The following NRTN variants were observed in gnomAD, a reference collection of about 807,000 sequenced individuals.
The protein encoded by NRTN is neurturin.
NRTN carries 3 observed loss-of-function variants against 7.5 expected under a neutral mutation model. The observed-to-expected ratio is 0.40, with a 90% CI of 0.18 to 1.03. The LOEUF is 1.03. Among genes scored for constraint, NRTN ranks in the 50% least tolerant of loss-of-function variants. The pLI, the probability that NRTN is intolerant of heterozygous loss-of-function variation, is 0.34. For missense variants in NRTN, 310 were observed against 307.0 expected (o/e 1.01, Z -0.07); for synonymous variants, 157 against 146.6 (o/e 1.07, Z -0.51).
At chr19:5,814,642 G>A (rs1012382383) in intron 1 of NRTN, among the ~76,000 whole-genome samples, 1 of 152,178 alleles carries the variant, frequency 6.6e-6, no homozygotes, top group Non-Finnish European at 1.5e-5. Flanking sequence ...CAAGGAAGGT[G>A]CCAGAAACAC....
chr19:5,810,915 G>A (rs540482805), intron 1 of NRTN, among the ~76,000 whole-genome samples: 6 of 149,960 alleles, frequency 4.0e-5, no homozygotes, highest in East Asian at 1.9e-4. Context: ...GCAACAGAGC[G>A]AGACTCCATC....
chr19:5,826,344 C>A (rs913934804), intron 2 of NRTN, among the ~76,000 whole-genome samples: 7 of 152,186 alleles, frequency 4.6e-5, no homozygotes, highest in East Asian at 1.9e-4. Flanking sequence ...TCGCCCACCC[C>A]CCGCACCGAT....
intron 1 of NRTN, among the ~76,000 whole-genome samples, chr19:5,818,537 C>T (rs1232077348): frequency 2.0e-5 from 3 of 151,890 alleles, no homozygotes; most frequent in Non-Finnish European, 1.5e-5. Context: ...GTGCTGGCAG[C>T]GTGTTCACCT....
chr19:5,824,451 GCC>G, intron 2 of NRTN, 117 bp downstream of exon 2: 1 of 1,325,682 alleles, frequency 7.5e-7, no homozygotes, highest in Non-Finnish European at 1.0e-6. Context: ...GGGCCAGCCA[GCC>G]CCCTTGCAGG....
At chr19:5,811,035 A>T (rs2056989109) in intron 1 of NRTN, among the ~76,000 whole-genome samples, 1 of 151,894 alleles carries the variant, frequency 6.6e-6, no homozygotes, top group South Asian at 2.1e-4. Context: ...TCAGGAGTTC[A>T]AGACCAGCCT....
At chr19:5,822,585 G>A (rs570829146) in intron 1 of NRTN, among the ~76,000 whole-genome samples, 7 of 152,328 alleles carry the variant, frequency 4.6e-5, no homozygotes, top group African/African-American at 1.4e-4. Flanking sequence ...TGCCCGAATG[G>A]GTAAAGCTCA....
chr19:5,822,541 A>C (rs1379616205), intron 1 of NRTN, among the ~76,000 whole-genome samples: 1 of 152,208 alleles, frequency 6.6e-6, no homozygotes, highest in Non-Finnish European at 1.5e-5. Context: ...AGTGAGGAGG[A>C]TGCCACCAGG....
intron 1 of NRTN, among the ~76,000 whole-genome samples, 136 bp downstream of exon 1, chr19:5,805,587 G>T (rs1285292367): frequency 1.3e-5 from 2 of 152,002 alleles, no homozygotes; most frequent in Non-Finnish European, 2.9e-5. Context: ...GAACCAGCGG[G>T]TGTATGAGGG....
chr19:5,809,691 A>G (rs2056984209), intron 1 of NRTN, among the ~76,000 whole-genome samples: 1 of 152,066 alleles, frequency 6.6e-6, no homozygotes, highest in Non-Finnish European at 1.5e-5. Flanking sequence ...CTGGAGGCGG[A>G]ACCCAGCCGG....
In NRTN at chr19:5,823,813, TCA is replaced by T. The variant is rs1035850805; in HGVS notation, c.-352_-351del. On this transcript the variant is annotated 5_prime_UTR_variant, in exon 2 of 3. The change abolishes the stop of an existing upstream ORF in the 5' untranslated region. Transcript: ENST00000303212. Reference sequence around the variant, plus strand: ...TTGCTGTTCCTGGGATACGCCACACTCAGTCTGGCCTCGGGGCCTTTGCACTG... The same window carrying T: ...TTGCTGTTCCTGGGATACGCCACACTGTCTGGCCTCGGGGCCTTTGCACTG... 7.2e-5 allele frequency: 30 copies of T among 417,252 alleles called. No individual in the cohort carries two copies. The highest frequency in any genetic ancestry group is 4.8e-4 in the African/African-American group (24 of 49,540). The allele number at this position is 417,252 out of a possible 1,614,324, so 25.8% of individuals were successfully genotyped here.
At chr19:5,811,066 G>A (rs1221587381) in intron 1 of NRTN, among the ~76,000 whole-genome samples, 2 of 151,500 alleles carry the variant, frequency 1.3e-5, no homozygotes, top group African/African-American at 2.4e-5. Flanking sequence ...GTGAAACCCC[G>A]TCTCTACTAA....
chr19:5,827,751 C>G lies in NRTN; in HGVS notation c.172C>G (p.Arg58Gly), dbSNP rs1436669601. The G allele has an allele frequency of 1.6e-6, 2 of 1,221,728 alleles. No homozygotes were observed. The highest frequency in any genetic ancestry group is 1.0e-6 in the Non-Finnish European group (1 of 978,026). 75.7% of individuals were successfully genotyped at this position (1,221,728 alleles called of 1,614,324 possible). Residue 58 changes from arginine to glycine, a missense_variant and splice_region_variant, in exon 3 of 3, where the codon CGT (arginine) becomes GGT (glycine). Coordinates refer to ENST00000303212, the MANE Select transcript of NRTN (RefSeq NM_004558.5). Reference sequence around the variant, plus strand: ...CCTTTCTCTTCCTCCCCTCGCAGACCGTGCACTCCTGCAGGGGGCCCCGGA... The same window carrying G: ...CCTTTCTCTTCCTCCCCTCGCAGACGGTGCACTCCTGCAGGGGGCCCCGGA... ...DARIARLAQY[R>G]ALLQGAPDAM...
At chr19:5,825,960 C>A (rs745492845) in intron 2 of NRTN, among the ~76,000 whole-genome samples, 28 of 152,244 alleles carry the variant, frequency 1.8e-4, no homozygotes, top group Non-Finnish European at 3.5e-4. Flanking sequence ...CTGTGAAACC[C>A]TGTCTCTACT....
At chr19:5,818,701 C>T (rs533300451) in intron 1 of NRTN, among the ~76,000 whole-genome samples, 3 of 152,118 alleles carry the variant, frequency 2.0e-5, no homozygotes, top group South Asian at 2.1e-4. Flanking sequence ...TTAGGGCCTC[C>T]GGGACACAGG....
chr19:5,825,231 C>T (rs1372005935), intron 2 of NRTN, among the ~76,000 whole-genome samples: 3 of 152,138 alleles, frequency 2.0e-5, no homozygotes, highest in Admixed American at 6.5e-5. Flanking sequence ...GCAAGACCCT[C>T]GCCCAACTCC....
In NRTN at chr19:5,827,810, TGGGCGGCCCCCAGGTCCGCGCCGTC is replaced by T; in HGVS notation, c.238_262del (p.Pro80GlyfsTer25). ...AGCTGCGCGAGCTGACGCCCTGGGCTGGGCGGCCCCCAGGTCCGCGCCGTCGGGCGGGGCCCCGGCGGCGGCGCGC... is the reference window on the plus strand; with the variant it reads ...AGCTGCGCGAGCTGACGCCCTGGGCTGGGCGGGGCCCCGGCGGCGGCGCGC... On this transcript the variant is annotated frameshift_variant, in exon 3 of 3. Coordinates refer to ENST00000303212, the MANE Select transcript of NRTN (RefSeq NM_004558.5). LOFTEE classifies it low-confidence loss of function (END_TRUNC). 8.5e-7 allele frequency: 1 copy of T among 1,172,212 alleles called. No individual in the cohort carries two copies. Among genetic ancestry groups the T allele is most frequent in the Admixed American group, 4.3e-5 (1 of 23,056 alleles). The allele number at this position is 1,172,212 out of a possible 1,614,324, so 72.6% of individuals were successfully genotyped here.
intron 1 of NRTN, among the ~76,000 whole-genome samples, chr19:5,819,435 G>C (rs1466790122): frequency 6.6e-6 from 1 of 152,346 alleles, no homozygotes; most frequent in South Asian, 2.1e-4. Flanking sequence ...GCCAAAGCGG[G>C]TGGATCACCT....
At chr19:5,805,829 C>T (rs2056973629) in intron 1 of NRTN, among the ~76,000 whole-genome samples, 1 of 152,032 alleles carries the variant, frequency 6.6e-6, no homozygotes, top group African/African-American at 2.4e-5. Flanking sequence ...GCCATGTGGT[C>T]TCCAAGGGGC....
chr19:5,808,539 A>G (rs2056980482), intron 1 of NRTN, among the ~76,000 whole-genome samples: 1 of 152,186 alleles, frequency 6.6e-6, no homozygotes, highest in Non-Finnish European at 1.5e-5. Flanking sequence ...TGGCGGGTAC[A>G]GGAAGAGAGA....
Sources: gnomAD v4.1 joint callset for allele counts (sites outside exome capture counted in the v4.1 genomes callset) on GRCh38, gnomAD v4.1.1 for gene constraint, MANE v1.5 for transcripts, NCBI Gene and HGNC (gene_info 2026-07-23, HGNC 2026-07-21) for gene names.